The following RASAL2 variants were observed in gnomAD, a reference collection of about 807,000 sequenced individuals.
RASAL2 encodes the protein RAS protein activator like 2.
RASAL2 carries 58 observed loss-of-function variants against 128.9 expected under a neutral mutation model. That is an observed-to-expected ratio of 0.45 (90% CI 0.36 to 0.56). The LOEUF (loss-of-function observed/expected upper bound fraction) is 0.56, where lower values mean the gene tolerates loss of function less well. RASAL2 is among the 20% of genes least tolerant of loss of function. RASAL2 has a pLI of 0.00. For missense variants in RASAL2, 1,360 were observed against 1,601.6 expected (o/e 0.85, Z 2.57); for synonymous variants, 561 against 580.8 (o/e 0.97, Z 0.49).
At chr1:178,097,992 A>G (rs1658754023) in intron 1 of RASAL2, among the ~76,000 whole-genome samples, 1 of 152,228 alleles carries the variant, frequency 6.6e-6, no homozygotes, top group Non-Finnish European at 1.5e-5. Flanking sequence ...ACTAATGCAC[A>G]TTTTTGAGAT....
At chr1:178,437,118 A>G (rs1031539765) in intron 5 of RASAL2, among the ~76,000 whole-genome samples, 1 of 152,124 alleles carries the variant, frequency 6.6e-6, no homozygotes, top group African/African-American at 2.4e-5. Context: ...GACCCAGCCT[A>G]GAGCCCAGGT....
intron 3 of RASAL2, among the ~76,000 whole-genome samples, chr1:178,307,519 A>C (rs1418533408): frequency 2.6e-5 from 4 of 152,222 alleles, no homozygotes; most frequent in African/African-American, 4.8e-5. Context: ...ACTGGAAGGC[A>C]TATTAGTTGG....
At chr1:178,366,476 C>T (rs1275632796) in intron 3 of RASAL2, among the ~76,000 whole-genome samples, 2 of 151,068 alleles carry the variant, frequency 1.3e-5, no homozygotes, top group Non-Finnish European at 2.9e-5. Context: ...TTGGTTTCTT[C>T]AAGAAGGATG....
intron 1 of RASAL2, among the ~76,000 whole-genome samples, chr1:178,280,908 T>G (rs1405152319): frequency 6.6e-6 from 1 of 152,000 alleles, no homozygotes; most frequent in Non-Finnish European, 1.5e-5. Context: ...GGGACAAAAA[T>G]CTGAGCTTGT....
At chr1:178,359,015 G>A (rs915959399) in intron 3 of RASAL2, among the ~76,000 whole-genome samples, 1 of 152,102 alleles carries the variant, frequency 6.6e-6, no homozygotes, top group Non-Finnish European at 1.5e-5. Context: ...GGAGAGATAT[G>A]AGTAATATAA....
intron 5 of RASAL2, among the ~76,000 whole-genome samples, chr1:178,422,716 T>G (rs1675234429): frequency 6.6e-6 from 1 of 152,124 alleles, no homozygotes; most frequent in Non-Finnish European, 1.5e-5. Flanking sequence ...CATCAACTGC[T>G]GAAGTCAGCC....
chr1:178,189,129 A>G (rs555782277), intron 1 of RASAL2, among the ~76,000 whole-genome samples: 53 of 152,332 alleles, frequency 3.5e-4, no homozygotes, highest in Non-Finnish European at 5.4e-4. Context: ...TACATGAATG[A>G]CTGATAATAT....
chr1:178,211,670 A>C (rs918685420), intron 1 of RASAL2, among the ~76,000 whole-genome samples: 10 of 151,900 alleles, frequency 6.6e-5, no homozygotes. Context: ...TATCCCCTTA[A>C]CCTAAAAAAA....
chr1:178,169,043 T>C (rs1422911631), intron 1 of RASAL2, among the ~76,000 whole-genome samples: 1 of 152,120 alleles, frequency 6.6e-6, no homozygotes, highest in Non-Finnish European at 1.5e-5. Context: ...GCAGTATTTA[T>C]TGTGTGAGAG....
At chr1:178,233,190 A>C (rs144659830) in intron 1 of RASAL2, among the ~76,000 whole-genome samples, 4 of 152,336 alleles carry the variant, frequency 2.6e-5, no homozygotes, top group Non-Finnish European at 5.9e-5. Flanking sequence ...TAAGCAGTCA[A>C]ATGTTTTGGA....
Position 178,420,605 on chromosome 1 carries a change from G to T in RASAL2, c.659G>T (p.Arg220Leu). The change falls in exon 5 of 18, where the codon CGC becomes CTC. Residue 220 changes from arginine (R) to leucine (L), a missense_variant. Around this residue, in one of 3 missense-constraint regions of RASAL2, gnomAD observed 617 missense variants for 714.2 expected, o/e 0.86. Coordinates refer to ENST00000367649, the MANE Select transcript of RASAL2 (RefSeq NM_170692.4). ...ACGAGCTTTCGGCTTCCATCCCTTCGCAGTACAGATGACAGGTAGGAAGTT... is the reference window on the plus strand; with the variant it reads ...ACGAGCTTTCGGCTTCCATCCCTTCTCAGTACAGATGACAGGTAGGAAGTT... ...RNTSFRLPSL[R>L]STDDRSRGLP... is the part of the protein sequence containing the mutation. 6.2e-7 allele frequency: 1 copy of T among 1,607,500 alleles called. No homozygotes were observed. Among genetic ancestry groups the T allele is most frequent in the Non-Finnish European group, 8.5e-7 (1 of 1,175,290 alleles).
chr1:178,452,730 G>A, intron 11 of RASAL2, 78 bp downstream of exon 11: 2 of 1,169,516 alleles, frequency 1.7e-6, no homozygotes, highest in South Asian at 1.4e-5. Context: ...TGAGGGTTGG[G>A]AGCCTCATCA....
At chr1:178,251,770 A>T (rs920370078) in intron 1 of RASAL2, among the ~76,000 whole-genome samples, 1 of 152,246 alleles carries the variant, frequency 6.6e-6, no homozygotes, top group African/African-American at 2.4e-5. Flanking sequence ...GATGCTTATC[A>T]GTCTAGTAGG....
intron 1 of RASAL2, among the ~76,000 whole-genome samples, chr1:178,141,697 A>G (rs1660539431): frequency 6.6e-6 from 1 of 152,116 alleles, no homozygotes; most frequent in African/African-American, 2.4e-5. Flanking sequence ...ACATCGGAGC[A>G]TGGGCTAGCA....
intron 1 of RASAL2, chr1:178,194,725 G>A (rs991114567): frequency 5.7e-6 from 1 of 174,516 alleles, no homozygotes; most frequent in Admixed American, 5.5e-5. Flanking sequence ...ACCCAACGCC[G>A]AAGTCTTAGG....
intron 3 of RASAL2, among the ~76,000 whole-genome samples, chr1:178,358,389 A>G (rs1670931736): frequency 6.6e-6 from 1 of 152,102 alleles, no homozygotes; most frequent in Non-Finnish European, 1.5e-5. Context: ...ACCAGTTAGA[A>G]ACTGAGAAAT....
In RASAL2 at chr1:178,201,944, C is replaced by A. The variant is rs550380907; in HGVS notation, c.203-81620C>A. 4.6e-5 allele frequency among the ~76,000 whole-genome samples: 7 copies of A among 152,276 alleles called. No homozygotes were observed. In the East Asian group the frequency reaches 1.4e-3, roughly 29 times the overall value. ...GGCCGGGTCCCCTTGAAGAAGGATCCCTCTACCGACAATTTATGTGTAAAT... is the reference window on the plus strand; with the variant it reads ...GGCCGGGTCCCCTTGAAGAAGGATCACTCTACCGACAATTTATGTGTAAAT... On this transcript the variant is annotated intron_variant, in intron 1 of 17. Coordinates refer to ENST00000367649, the MANE Select transcript of RASAL2 (RefSeq NM_170692.4).
At chr1:178,364,457 A>G (rs914604759) in intron 3 of RASAL2, among the ~76,000 whole-genome samples, 1 of 152,212 alleles carries the variant, frequency 6.6e-6, no homozygotes, top group African/African-American at 2.4e-5. Flanking sequence ...AAATGTTACT[A>G]CAACCTTGTA....
At chr1:178,317,791 C>T (rs1378409370) in intron 3 of RASAL2, among the ~76,000 whole-genome samples, 3 of 150,482 alleles carry the variant, frequency 2.0e-5, no homozygotes, top group Non-Finnish European at 4.4e-5. Context: ...TCTCTATTTC[C>T]TTCAGTTCTG....
Sources: allele counts gnomAD v4.1 joint callset (sites outside exome capture counted in the v4.1 genomes callset), GRCh38; gene constraint gnomAD v4.1.1; regional missense constraint gnomAD v4.1.1; transcripts MANE v1.5; gene names NCBI Gene and HGNC (gene_info 2026-07-23, HGNC 2026-07-21).